Variants in GCNT1 observed in about 807,000 individuals in gnomAD.
GCNT1 encodes glucosaminyl (N-acetyl) transferase 1, also known as beta-1,3-galactosyl-O-glycosyl-glycoprotein beta-1,6-N-acetylglucosaminyltransferase.
Under a neutral mutation model 26.2 loss-of-function variants are expected in GCNT1, and 16 were observed. That is an observed-to-expected ratio of 0.61 (90% CI 0.41 to 0.93). GCNT1 has a LOEUF of 0.93. Ranked by LOEUF, GCNT1 falls within the 40% of genes least tolerant of loss-of-function variation. GCNT1 has a pLI of 0.00. For missense variants in GCNT1, 477 were observed against 526.7 expected, an observed-to-expected ratio of 0.91 and a Z score of 0.92; for synonymous variants, 183 against 190.8, an observed-to-expected ratio of 0.96 and a Z score of 0.34.
chr9:76,400,403 C>T, the GCNT1 span, among the ~76,000 whole-genome samples: 1 of 152,164 alleles, frequency 6.6e-6, no homozygotes, highest in Non-Finnish European at 1.5e-5. Flanking sequence ...CAGGTGTAGC[C>T]AACTCTATTC....
At chr9:76,394,199 C>A in the GCNT1 span, 1 of 1,561,426 alleles carries the variant, frequency 6.4e-7, no homozygotes, top group South Asian at 1.2e-5. Context: ...GAATGGGCTG[C>A]GGCCCGGTCT....
the GCNT1 span, among the ~76,000 whole-genome samples, chr9:76,408,317 G>T: frequency 3.3e-5 from 5 of 152,016 alleles, no homozygotes; most frequent in African/African-American, 1.2e-4. Context: ...CTGAGTTTTT[G>T]TCATGAATGG....
chr9:76,475,922 TC>T (rs1199662513), intron 2 of GCNT1, among the ~76,000 whole-genome samples: 4 of 152,296 alleles, frequency 2.6e-5, no homozygotes, highest in Non-Finnish European at 5.9e-5. Flanking sequence ...ACTTCACACT[TC>T]TGTTTTGCTC....
At chr9:76,485,517 C>T (rs1824549791) in intron 2 of GCNT1, among the ~76,000 whole-genome samples, 2 of 152,238 alleles carry the variant, frequency 1.3e-5, no homozygotes, top group South Asian at 2.1e-4. Flanking sequence ...CTGAACTCTA[C>T]CTTAGTTATC....
At chr9:76,443,418 A>T (rs1823511722) in intron 1 of GCNT1, among the ~76,000 whole-genome samples, 2 of 152,244 alleles carry the variant, frequency 1.3e-5, no homozygotes, top group Non-Finnish European at 2.9e-5. Flanking sequence ...CTTATGGGAA[A>T]CGAAGGGATG....
At chr9:76,399,024 C>T in the GCNT1 span, 2 of 1,589,916 alleles carry the variant, frequency 1.3e-6, no homozygotes, top group Non-Finnish European at 1.7e-6. Context: ...GGAACCTTCA[C>T]TAACCAGATC....
At chr9:76,416,738 G>A (rs540780182), upstream of GCNT1, among the ~76,000 whole-genome samples, 17 of 152,318 alleles carry the variant, frequency 1.1e-4, no homozygotes, top group East Asian at 3.1e-3. Flanking sequence ...AGATGAAAAA[G>A]CTTTTTTGTG....
Position 76,505,454 on chromosome 9 carries a change from T to C in GCNT1, c.*1786T>C, listed in dbSNP as rs1253396148. 4 of 167,130 alleles carry C rather than the reference T, an allele frequency of 2.4e-5. No individual in the cohort carries two copies. The highest frequency in any genetic ancestry group is 5.9e-5 in the Non-Finnish European group (4 of 68,184). The allele number at this position is 167,130 out of a possible 1,614,324, so 10.4% of individuals were successfully genotyped here. On this transcript the variant is annotated 3_prime_UTR_variant, in exon 4 of 4. Transcript: ENST00000376730. Reference sequence around the variant, plus strand: ...CTCTCTTTATTGGCTTCTAAACCAGTTTTGTCCTTTAATGCATGTCAAATA... The same window carrying C: ...CTCTCTTTATTGGCTTCTAAACCAGCTTTGTCCTTTAATGCATGTCAAATA...
At chr9:76,478,859 TTATC>T (rs1824333663) in intron 2 of GCNT1, among the ~76,000 whole-genome samples, 1 of 152,246 alleles carries the variant, frequency 6.6e-6, no homozygotes. Context: ...TACATTTTAT[TTATC>T]TATTTTTATT....
At chr9:76,413,833 T>G in the GCNT1 span, among the ~76,000 whole-genome samples, 1 of 152,152 alleles carries the variant, frequency 6.6e-6, no homozygotes, top group African/African-American at 2.4e-5. Context: ...TCCCATAACA[T>G]GTATGCTACA....
the GCNT1 span, among the ~76,000 whole-genome samples, chr9:76,406,861 C>G: frequency 1.3e-5 from 2 of 151,736 alleles, no homozygotes; most frequent in Non-Finnish European, 2.9e-5. Flanking sequence ...ACCAACATGG[C>G]AAAATCCAGT....
chr9:76,486,716 A>T (rs1824586079), intron 2 of GCNT1, among the ~76,000 whole-genome samples: 1 of 152,150 alleles, frequency 6.6e-6, no homozygotes, highest in South Asian at 2.1e-4. Context: ...ATGCTTTTAG[A>T]TATCTTCAGT....
intron 2 of GCNT1, among the ~76,000 whole-genome samples, chr9:76,494,486 G>A (rs953211347): frequency 6.6e-6 from 1 of 152,180 alleles, no homozygotes; most frequent in Non-Finnish European, 1.5e-5. Flanking sequence ...GAATAGGAAG[G>A]ATATCATGTC....
chr9:76,472,891 GGCGCCTGC>G (rs1824170739), intron 2 of GCNT1, among the ~76,000 whole-genome samples: 1 of 151,982 alleles, frequency 6.6e-6, no homozygotes, highest in African/African-American at 2.4e-5. Context: ...TGGGATTACA[GGCGCCTGC>G]CACCATGGCT....
rs983043020 is a variant in GCNT1 at position 76,451,672 on chromosome 9, A to G, written c.-290+9357A>G. Reference sequence around the variant, plus strand: ...CAAGCCAAGGAGAGAGGCCTCAGAAAAAGCCCAACTCTGCTGACACTCAAT... The same window carrying G: ...CAAGCCAAGGAGAGAGGCCTCAGAAGAAGCCCAACTCTGCTGACACTCAAT... On this transcript the variant is annotated intron_variant, in intron 1 of 2. Coordinates refer to the GCNT1 transcript ENST00000442371. 3.3e-5 allele frequency among the ~76,000 whole-genome samples: 5 copies of G among 152,334 alleles called. No individual in the cohort carries two copies. The South Asian group carries it at 1.0e-3, about 32-fold the overall frequency.
At chr9:76,433,023 C>T (rs971311350) in intron 1 of GCNT1, among the ~76,000 whole-genome samples, 6 of 152,164 alleles carry the variant, frequency 3.9e-5, no homozygotes, top group Non-Finnish European at 5.9e-5. Flanking sequence ...AGAGACCACC[C>T]GACCAAGTGG....
At chr9:76,498,127 C>T (rs953490082) in intron 2 of GCNT1, among the ~76,000 whole-genome samples, 1 of 152,136 alleles carries the variant, frequency 6.6e-6, no homozygotes, top group Non-Finnish European at 1.5e-5. Context: ...TATTTATCTA[C>T]ATTGTATGGA....
chr9:76,458,175 A>ATTTT (rs779648273), upstream of GCNT1, among the ~76,000 whole-genome samples: 448 of 76,222 alleles, frequency 5.9e-3, 36 homozygotes, highest in African/African-American at 0.015. Context: ...TCTGAGTTGG[A>ATTTT]TTTTTTTTTT....
rs777922766 is a variant in GCNT1, at chr9:76,483,451, A to G, written c.-289-17465A>G. 5.9e-4 allele frequency among the ~76,000 whole-genome samples: 90 copies of G among 151,590 alleles called. 1 individual carries two copies. Among genetic ancestry groups the G allele is most frequent in the Non-Finnish European group, 1.2e-3 (80 of 67,932 alleles). On this transcript the variant is annotated intron_variant, in intron 2 of 3. Coordinates refer to ENST00000376730, the MANE Select transcript of GCNT1 (RefSeq NM_001490.5). ...TTTAATAGAGACAGGGTCTTTCTCT[A>G]TCACCCAGTCTAGAGTGCAGTGGTG... is the stretch of plus-strand genomic sequence containing the variant.
Sources: gnomAD v4.1 joint callset for allele counts (sites outside exome capture counted in the v4.1 genomes callset) on GRCh38, gnomAD v4.1.1 for gene constraint, MANE v1.5 for transcripts, NCBI Gene and HGNC (gene_info 2026-07-23, HGNC 2026-07-21) for gene names.